Variants in CSMD1 observed in about 807,000 individuals in gnomAD.
CSMD1 encodes CUB and Sushi multiple domains 1.
A neutral mutation model predicts 417.5 loss-of-function variants in CSMD1; 213 were observed. The ratio of observed to expected loss-of-function variants is 0.51; its 90% CI spans 0.46 to 0.57. The LOEUF is 0.57. Among genes scored for constraint, CSMD1 ranks in the 20% least tolerant of loss-of-function variants. The pLI is 0.00. For synonymous variants in CSMD1, 2,862 were observed against 1,736.8 expected (o/e 1.65, Z -16.11); for missense variants, 6,923 against 4,529.7 (o/e 1.53, Z -15.17).
chr8:4,443,162 T>C (rs973451362), intron 2 of CSMD1, among the ~76,000 whole-genome samples: 1 of 152,214 alleles, frequency 6.6e-6, no homozygotes, highest in Non-Finnish European at 1.5e-5. Flanking sequence ...TCCTTTTAAA[T>C]GGTAGAATTC....
At chr8:3,289,416 G>T (rs1016407202) in intron 25 of CSMD1, among the ~76,000 whole-genome samples, 1 of 147,266 alleles carries the variant, frequency 6.8e-6, no homozygotes, top group Non-Finnish European at 1.5e-5. Context: ...ACTTCACAAT[G>T]GTTGAACTAG....
At chr8:3,874,879 T>A (rs1805709102) in intron 5 of CSMD1, among the ~76,000 whole-genome samples, 1 of 152,042 alleles carries the variant, frequency 6.6e-6, no homozygotes, top group Non-Finnish European at 1.5e-5. Flanking sequence ...GGTGGTGAGA[T>A]CCACTGCGAT....
At chr8:3,200,002 C>T (rs1439679597) in intron 32 of CSMD1, among the ~76,000 whole-genome samples, 193 bp from the exon 33 acceptor site, 2 of 152,078 alleles carry the variant, frequency 1.3e-5, no homozygotes, top group African/African-American at 2.4e-5. Flanking sequence ...CAAGAATAGG[C>T]AGTGCATTTG....
chr8:3,071,759 G>C (rs1372730121), intron 49 of CSMD1, among the ~76,000 whole-genome samples: 1 of 152,148 alleles, frequency 6.6e-6, no homozygotes, highest in Middle Eastern at 3.2e-3. Context: ...CAGCCTAAAT[G>C]CAGACAGTCC....
chr8:4,897,082 G>A (rs1262908634), intron 1 of CSMD1, among the ~76,000 whole-genome samples: 25 of 151,994 alleles, frequency 1.6e-4, no homozygotes, highest in Admixed American at 1.6e-3. Context: ...TTTCCTGAGT[G>A]CCTACAATTT....
At chr8:4,680,827 G>A (rs970383234) in intron 1 of CSMD1, among the ~76,000 whole-genome samples, 9 of 151,972 alleles carry the variant, frequency 5.9e-5, no homozygotes, top group African/African-American at 1.7e-4. Context: ...TGATCCACCC[G>A]CCTTGGCCTC....
intron 5 of CSMD1, among the ~76,000 whole-genome samples, chr8:3,825,674 T>C (rs1469701776): frequency 6.6e-6 from 1 of 152,116 alleles, no homozygotes; most frequent in African/African-American, 2.4e-5. Context: ...TTTTACTCTC[T>C]AGGCTCAAGA....
intron 23 of CSMD1, among the ~76,000 whole-genome samples, chr8:3,327,624 CT>C (rs1460125815): frequency 1.3e-5 from 2 of 152,016 alleles, no homozygotes; most frequent in Non-Finnish European, 2.9e-5. Flanking sequence ...CAGTAGTGAC[CT>C]GGGAATAGTA....
intron 4 of CSMD1, among the ~76,000 whole-genome samples, chr8:4,010,157 C>T (rs1248319505): frequency 6.6e-6 from 1 of 152,146 alleles, no homozygotes; most frequent in Admixed American, 6.5e-5. Context: ...ATCTCAGTAG[C>T]CAATGTTTTA....
chr8:4,485,632 G>C (rs1187822745), intron 2 of CSMD1, among the ~76,000 whole-genome samples: 1 of 152,040 alleles, frequency 6.6e-6, no homozygotes, highest in Non-Finnish European at 1.5e-5. Context: ...TATTAAAATT[G>C]ATCTTGTATG....
At chr8:3,374,334 T>C (rs754991027) in intron 18 of CSMD1, among the ~76,000 whole-genome samples, 2 of 152,128 alleles carry the variant, frequency 1.3e-5, no homozygotes, top group Admixed American at 6.6e-5. Flanking sequence ...GCATTTAGAG[T>C]TACTTATTAA....
chr8:3,738,749 A>G lies in CSMD1; in HGVS notation c.931+15181T>C, dbSNP rs542179545. ...CAACCCTAATTTCAAAGACAAATTCAGAGTAACGTAAAATAAAACAACCTC... is the reference window on the plus strand; with the variant it reads ...CAACCCTAATTTCAAAGACAAATTCGGAGTAACGTAAAATAAAACAACCTC... On this transcript the variant is annotated intron_variant, in intron 6 of 69. Coordinates refer to ENST00000635120, the MANE Select transcript of CSMD1 (RefSeq NM_033225.6). Among the ~76,000 whole-genome samples, 3 of 152,360 alleles carry G rather than the reference A, an allele frequency of 2.0e-5. No individual in the cohort carries two copies. In the East Asian group the frequency reaches 5.8e-4, roughly 29 times the overall value.
chr8:3,616,763 C>G lies in CSMD1; in HGVS notation c.1044G>C (p.Met348Ile). ...TTTCTGGAATCCCAGGATCTGGACA[C>G]ATGTCAGAGACCAATGCAACACCTC... ...SQGGVALVSD[M>I]CPDPGIPENG... The change falls in exon 8 of 70, where the codon ATG becomes ATC. Residue 348 changes from methionine (M) to isoleucine (I), a missense_variant. Physicochemically the swap from Met to Ile is conservative, Grantham distance 10 (BLOSUM62 1). Transcript: ENST00000635120. 1 of 1,612,528 alleles carries G rather than the reference C, an allele frequency of 6.2e-7. No individual in the cohort carries two copies.
chr8:3,448,125 C>G (rs567647053), intron 12 of CSMD1, among the ~76,000 whole-genome samples: 1 of 151,200 alleles, frequency 6.6e-6, no homozygotes, highest in East Asian at 2.0e-4. Context: ...TAGCATGATG[C>G]TGTCAATCCA....
At chr8:4,546,670 C>T (rs1378657549) in intron 2 of CSMD1, among the ~76,000 whole-genome samples, 1 of 152,116 alleles carries the variant, frequency 6.6e-6, no homozygotes, top group East Asian at 1.9e-4. Context: ...TTTCCTGGAT[C>T]TCCAGCCTGT....
At chr8:4,880,475 C>T (rs182035885) in intron 1 of CSMD1, among the ~76,000 whole-genome samples, 11 of 152,190 alleles carry the variant, frequency 7.2e-5, no homozygotes, top group Admixed American at 2.6e-4. Context: ...ATTTCCTGTG[C>T]TGTTGTGTAG....
chr8:4,761,252 G>A (rs1274854566), intron 1 of CSMD1, among the ~76,000 whole-genome samples: 1 of 152,066 alleles, frequency 6.6e-6, no homozygotes, highest in Non-Finnish European at 1.5e-5. Context: ...TTCAAAGTGG[G>A]CTCTTCAGAA....
chr8:3,456,599 C>A (rs1476363522), intron 12 of CSMD1, among the ~76,000 whole-genome samples: 2 of 152,168 alleles, frequency 1.3e-5, no homozygotes, highest in Non-Finnish European at 2.9e-5. Flanking sequence ...TAGTTGCGTT[C>A]TCTCCTATCC....
intron 1 of CSMD1, among the ~76,000 whole-genome samples, chr8:4,741,458 T>C (rs750405233): frequency 6.6e-6 from 1 of 152,216 alleles, no homozygotes; most frequent in Non-Finnish European, 1.5e-5. Flanking sequence ...AAATATGTAA[T>C]ATTTATGTCT....
Sources: gnomAD v4.1 joint callset for allele counts (sites outside exome capture counted in the v4.1 genomes callset) on GRCh38, gnomAD v4.1.1 for gene constraint, MANE v1.5 for transcripts, NCBI Gene and HGNC (gene_info 2026-07-23, HGNC 2026-07-21) for gene names.